The following CAB39L variants were observed in gnomAD, a reference collection of about 807,000 sequenced individuals.
CAB39L encodes the protein calcium binding protein 39 like.
CAB39L carries 23 observed loss-of-function variants against 39.1 expected under a neutral mutation model. The observed-to-expected ratio is 0.59, with a 90% CI of 0.42 to 0.83. The LOEUF (loss-of-function observed/expected upper bound fraction) is 0.83, where lower values mean the gene tolerates loss of function less well. Ranked by LOEUF, CAB39L falls within the 40% of genes least tolerant of loss-of-function variation. CAB39L has a pLI of 0.00. For synonymous variants in CAB39L, 126 were observed against 137.2 expected (o/e 0.92, Z 0.57); for missense variants, 366 against 391.9 (o/e 0.93, Z 0.56).
At chr13:49,416,175 A>T (rs1322791) in intron 3 of CAB39L, among the ~76,000 whole-genome samples, 82,814 of 152,024 alleles carry the variant, frequency 0.54, 22,681 homozygotes, top group South Asian at 0.64. Context: ...GGGAGGTGCA[A>T]CTAAACTGGG....
At chr13:49,416,325 T>C (rs1386642549) in intron 3 of CAB39L, among the ~76,000 whole-genome samples, 1 of 152,110 alleles carries the variant, frequency 6.6e-6, no homozygotes, top group Non-Finnish European at 1.5e-5. Context: ...CAACAAAAAA[T>C]ACGGCTAACA....
intron 3 of CAB39L, among the ~76,000 whole-genome samples, chr13:49,399,406 G>A (rs971349408): frequency 6.6e-6 from 1 of 151,882 alleles, no homozygotes. Flanking sequence ...TTTTCTTTAA[G>A]CATTCATATT....
At chr13:49,432,852 A>G (rs1287408569) in intron 3 of CAB39L, among the ~76,000 whole-genome samples, 1 of 152,212 alleles carries the variant, frequency 6.6e-6, no homozygotes, top group African/African-American at 2.4e-5. Flanking sequence ...ATATCTTTGC[A>G]AGATGGTCTC....
intron 3 of CAB39L, among the ~76,000 whole-genome samples, chr13:49,393,959 T>C (rs1484840505): frequency 6.6e-6 from 1 of 151,970 alleles, no homozygotes; most frequent in Non-Finnish European, 1.5e-5. Context: ...AGCTCAGATA[T>C]AGATGTTAAT....
chr13:49,405,441 C>T (rs1017881677), intron 3 of CAB39L, among the ~76,000 whole-genome samples: 2 of 150,160 alleles, frequency 1.3e-5, no homozygotes, highest in Admixed American at 6.7e-5. Flanking sequence ...GGGAGTTCTT[C>T]AGTCTGAAAG....
At chr13:49,411,163 C>T (rs1956980605) in intron 3 of CAB39L, among the ~76,000 whole-genome samples, 1 of 152,030 alleles carries the variant, frequency 6.6e-6, no homozygotes, top group African/African-American at 2.4e-5. Context: ...AATCCCAGCA[C>T]TTTGGGAGGC....
intron 10 of CAB39L, among the ~76,000 whole-genome samples, chr13:49,312,372 T>C (rs926050527): frequency 1.3e-5 from 2 of 152,260 alleles, no homozygotes; most frequent in Admixed American, 6.5e-5. Flanking sequence ...GCTCCATTTA[T>C]GGTAAGTTCC....
chr13:49,431,431 G>C lies in CAB39L; in HGVS notation c.-32+1887C>G, dbSNP rs190425480. On this transcript the variant is annotated intron_variant, in intron 3 of 10. Transcript: ENST00000409308. ...TTCTTAAAAAATAAAAAAAGGCTGG[G>C]CGTGGTGGCTCACGTCTGTAATCCC... 8.5e-5 allele frequency among the ~76,000 whole-genome samples: 13 copies of C among 152,214 alleles called. No homozygotes were observed. The East Asian group carries it at 2.5e-3, about 29-fold the overall frequency.
At chr13:49,400,062 T>C (rs925472851) in intron 3 of CAB39L, among the ~76,000 whole-genome samples, 2 of 152,128 alleles carry the variant, frequency 1.3e-5, no homozygotes, top group African/African-American at 2.4e-5. Flanking sequence ...AGCCATTTTA[T>C]GGTCTATCTA....
intron 5 of CAB39L, among the ~76,000 whole-genome samples, chr13:49,360,141 T>A (rs188765942): frequency 6.6e-6 from 1 of 152,306 alleles, no homozygotes; most frequent in Admixed American, 6.5e-5. Flanking sequence ...TCTTTGTTTT[T>A]TCACTGTCTA....
intron 3 of CAB39L, among the ~76,000 whole-genome samples, chr13:49,417,639 G>A (rs1018453681): frequency 1.3e-5 from 2 of 148,908 alleles, no homozygotes; most frequent in African/African-American, 5.0e-5. Flanking sequence ...TTCAGGGAAA[G>A]GAAAGAGAAA....
At chr13:49,384,391 C>T (rs183971169) in intron 3 of CAB39L, among the ~76,000 whole-genome samples, 133 of 152,258 alleles carry the variant, frequency 8.7e-4, no homozygotes, top group African/African-American at 2.7e-3. Flanking sequence ...TCTTGAACCC[C>T]TCAAAGTTAC....
intron 6 of CAB39L, among the ~76,000 whole-genome samples, chr13:49,355,970 T>C (rs1280525093): frequency 1.3e-5 from 2 of 152,146 alleles, no homozygotes; most frequent in African/African-American, 2.4e-5. Flanking sequence ...GGTGGGTGAA[T>C]GACAGTATTC....
chr13:49,339,865 C>A, intron 8 of CAB39L, 123 bp from the exon 9 acceptor site: 1 of 1,168,138 alleles, frequency 8.6e-7, no homozygotes, highest in Non-Finnish European at 1.1e-6. Context: ...TCCTTCTTTA[C>A]ATGTGAAGAC....
chr13:49,338,013 A>C (rs1954896249), intron 9 of CAB39L, among the ~76,000 whole-genome samples: 1 of 152,122 alleles, frequency 6.6e-6, no homozygotes, highest in Non-Finnish European at 1.5e-5. Context: ...TTCTCCAATA[A>C]TTCATCAAAC....
chr13:49,391,947 TCACACACACA>T lies in CAB39L; in HGVS notation c.-31-9016_-31-9007del, dbSNP rs60571092. ...AGACTCTCAAACTCTCAAATTGGGT[TCACACACACA>T]CACACACACACACATTTCTGCTCTA... On this transcript the variant is annotated intron_variant, in intron 3 of 10. Coordinates refer to ENST00000409308, the MANE Select transcript of CAB39L (RefSeq NM_001079670.3). 2.7e-5 allele frequency among the ~76,000 whole-genome samples: 4 copies of T among 149,294 alleles called. No individual in the cohort carries two copies. In the South Asian group the frequency reaches 6.3e-4, roughly 24 times the overall value.
At chr13:49,403,611 G>A (rs1174368703) in intron 3 of CAB39L, among the ~76,000 whole-genome samples, 2 of 152,064 alleles carry the variant, frequency 1.3e-5, no homozygotes, top group Admixed American at 1.3e-4. Context: ...AGAAAGATAA[G>A]AATGTTAAGG....
At chr13:49,343,174 T>G (rs1183974087) in intron 8 of CAB39L, among the ~76,000 whole-genome samples, 3 of 152,204 alleles carry the variant, frequency 2.0e-5, no homozygotes, top group Non-Finnish European at 4.4e-5. Flanking sequence ...GCTTACACAT[T>G]TAGTAAAAGT....
At chr13:49,318,970 G>A (rs1345335523) in intron 10 of CAB39L, among the ~76,000 whole-genome samples, 5 of 151,936 alleles carry the variant, frequency 3.3e-5, no homozygotes, top group Non-Finnish European at 5.9e-5. Flanking sequence ...ATGAAGTACC[G>A]GGCCGGGTGC....
Sources: allele counts gnomAD v4.1 joint callset (sites outside exome capture counted in the v4.1 genomes callset), GRCh38; gene constraint gnomAD v4.1.1; transcripts MANE v1.5; gene names NCBI Gene and HGNC (gene_info 2026-07-23, HGNC 2026-07-21).